Variants in NUP98 observed in about 807,000 individuals in gnomAD.
NUP98 encodes the protein nucleoporin 98 and 96 precursor, also known as nuclear pore complex protein Nup98-Nup96.
In NUP98, 26 loss-of-function variants were observed where a neutral mutation model predicts 191.9. That is an observed-to-expected ratio of 0.14 (90% CI 0.10 to 0.19). The LOEUF (loss-of-function observed/expected upper bound fraction) is 0.19. Among genes scored for constraint, NUP98 ranks in the 10% least tolerant of loss-of-function variants. NUP98 has a pLI of 1.00. For synonymous variants in NUP98, 808 were observed against 778.4 expected (o/e 1.04, Z -0.63); for missense variants, 1,941 against 2,178.8 (o/e 0.89, Z 2.17).
chr11:3,769,150 C>T (rs902488438), intron 7 of NUP98, among the ~76,000 whole-genome samples: 2 of 152,154 alleles, frequency 1.3e-5, no homozygotes, highest in Non-Finnish European at 2.9e-5. Flanking sequence ...ATGGGCCAGG[C>T]ACAGTGGCTC....
chr11:3,782,911 G>A (rs183854394), intron 1 of NUP98, among the ~76,000 whole-genome samples: 5 of 152,162 alleles, frequency 3.3e-5, no homozygotes, highest in East Asian at 3.9e-4. Flanking sequence ...CCCTACCTTC[G>A]AGGGATATAA....
chr11:3,694,350 A>G (rs1422961932), intron 26 of NUP98, among the ~76,000 whole-genome samples: 3 of 151,998 alleles, frequency 2.0e-5, no homozygotes, highest in South Asian at 4.2e-4. Context: ...AGCCTGGACA[A>G]TAAGAGCGAA....
rs1036110099 is a variant in NUP98 at position 3,752,833 on chromosome 11, G to A, written c.1267+483C>T. On this transcript the variant is annotated intron_variant, in intron 11 of 32. Coordinates refer to ENST00000324932, the MANE Select transcript of NUP98 (RefSeq NM_016320.5). Reference sequence around the variant, plus strand: ...GTATCTTCAAAGGCACTGAAAAATAGTTGTTAACAGTAGGAATCAGGGAAA... The same window carrying A: ...GTATCTTCAAAGGCACTGAAAAATAATTGTTAACAGTAGGAATCAGGGAAA... 2.0e-5 allele frequency among the ~76,000 whole-genome samples: 3 copies of A among 152,198 alleles called. No homozygotes were observed. In the South Asian group the frequency reaches 6.2e-4, roughly 31 times the overall value.
chr11:3,692,339 A>C (rs2078341881), intron 27 of NUP98, among the ~76,000 whole-genome samples: 2 of 151,768 alleles, frequency 1.3e-5, no homozygotes, highest in African/African-American at 4.8e-5. Flanking sequence ...AAAAAACAAA[A>C]AAAAACACCT....
chr11:3,792,850 G>A (rs2082401893), intron 1 of NUP98, among the ~76,000 whole-genome samples: 1 of 152,146 alleles, frequency 6.6e-6, no homozygotes, highest in African/African-American at 2.4e-5. Flanking sequence ...CGGGCACGGT[G>A]GCTCACGTCT....
chr11:3,776,047 C>T (rs374337668), intron 4 of NUP98, 26 bp from the exon 5 acceptor site: 8 of 1,574,954 alleles, frequency 5.1e-6, no homozygotes, highest in African/African-American at 4.1e-5. Context: ...AAAAATGAGA[C>T]GATAACAGTA....
chr11:3,782,059 G>A lies in NUP98; in HGVS notation c.59C>T (p.Thr20Ile). 1 of 1,612,552 alleles carries A rather than the reference G, an allele frequency of 6.2e-7. No individual in the cohort carries two copies. The highest frequency in any genetic ancestry group is 8.5e-7 in the Non-Finnish European group (1 of 1,179,194). Reference sequence around the variant, plus strand: ...AAACTTACTCTGTCCAAATGTTGAAGTTGTGCCAAAGCCACCTGTGCCACC... The same window carrying A: ...AAACTTACTCTGTCCAAATGTTGAAATTGTGCCAAAGCCACCTGTGCCACC... ...FGGGTGGFGT[T>I]STFGQNTGFG... is the part of the protein sequence containing the mutation. Residue 20 changes from threonine (T) to isoleucine (I), a missense_variant, in exon 2 of 33, where the codon ACT becomes ATT. By Grantham distance (89) the Thr-to-Ile change is moderately conservative. This residue lies in a region of NUP98 where 154 missense variants were observed against 182.9 expected (regional missense o/e 0.84). Transcript: ENST00000324932.
At position 3,675,260 on chromosome 11, in the gene NUP98, G is replaced by A. The variant is rs757404563; in HGVS notation, c.*899C>T. On this transcript the variant is annotated 3_prime_UTR_variant, in exon 33 of 33. Transcript: ENST00000324932. ...CAAAGGCCCTCTGCCTGCCCCTAAC[G>A]CCCAACTCCATGCCTGCCTCAGTCA... 1.0e-4 allele frequency: 22 copies of A among 219,148 alleles called. No individual in the cohort carries two copies. Among genetic ancestry groups the A allele is most frequent in the East Asian group, 3.3e-4 (5 of 15,028 alleles). The allele number at this position is 219,148 out of a possible 1,614,324, so 13.6% of individuals were successfully genotyped here.
chr11:3,796,698 G>C (rs1451932312), intron 1 of NUP98, among the ~76,000 whole-genome samples: 3 of 152,192 alleles, frequency 2.0e-5, no homozygotes, highest in African/African-American at 7.2e-5. Flanking sequence ...TGTTTAGACT[G>C]TCAAAAATCT....
At chr11:3,746,626 C>G (rs117495811) in intron 11 of NUP98, among the ~76,000 whole-genome samples, 2,264 of 151,770 alleles carry the variant, frequency 0.015, 32 homozygotes, top group Middle Eastern at 0.024. Context: ...AAAAAAGGTA[C>G]TGTGGGCTGG....
intron 29 of NUP98, among the ~76,000 whole-genome samples, chr11:3,684,632 GAAGA>G (rs1203898495): frequency 5.3e-5 from 8 of 151,940 alleles, no homozygotes; most frequent in African/African-American, 1.2e-4. Flanking sequence ...TAAAGGGGAA[GAAGA>G]AAGAGAAACT....
At chr11:3,730,895 GCTAA>G (rs1404311796) in intron 14 of NUP98, among the ~76,000 whole-genome samples, 2 of 152,156 alleles carry the variant, frequency 1.3e-5, no homozygotes, top group African/African-American at 2.4e-5. Context: ...ATATTTTTAT[GCTAA>G]CTATGAGTTA....
rs968931652 is a variant in NUP98 at position 3,719,266 on chromosome 11, A to C, written c.2399+146T>G. 3 of 543,112 alleles carry C rather than the reference A, an allele frequency of 5.5e-6. No individual in the cohort carries two copies. The East Asian group carries it at 9.6e-5, about 17-fold the overall frequency. 33.6% of individuals were successfully genotyped at this position (543,112 alleles called of 1,614,324 possible). On this transcript the variant is annotated intron_variant, in intron 18 of 32. Transcript: ENST00000324932. Reference sequence around the variant, plus strand: ...ACAGTATAGCATTTCTTTGCCATTTATACTTTTAAATCAAAGTAGAGACAA... The same window carrying C: ...ACAGTATAGCATTTCTTTGCCATTTCTACTTTTAAATCAAAGTAGAGACAA...
rs149450839 is a variant in NUP98, at chr11:3,778,522, T to C, written c.355+351A>G. On this transcript the variant is annotated intron_variant, in intron 4 of 32. Transcript: ENST00000324932. ...AGAAGAAGGTGCCTCTGCAGCACAA[T>C]ATGGCTGACTGTAACACACTCCTCC... 1.1e-3 allele frequency among the ~76,000 whole-genome samples: 165 copies of C among 152,312 alleles called. 1 individual carries two copies. Among genetic ancestry groups the C allele is most frequent in the African/African-American group, 3.7e-3 (152 of 41,580 alleles).
chr11:3,719,620 G>C lies in NUP98; in HGVS notation c.2261-70C>G, dbSNP rs768699623. 95 of 1,129,388 alleles carry C rather than the reference G, an allele frequency of 8.4e-5. 1 individual carries two copies. The highest frequency in any genetic ancestry group is 1.1e-4 in the Non-Finnish European group (92 of 830,198). The allele number at this position is 1,129,388 out of a possible 1,614,324, so 70.0% of individuals were successfully genotyped here. On this transcript the variant is annotated intron_variant, in intron 17 of 32. Transcript: ENST00000324932. ...CAAATACCTACTTTACAACTATAGT[G>C]ATTAAACAATCACAAGGAGAAAGCA...
At position 3,699,448 on chromosome 11, in the gene NUP98, T is replaced by C. The variant is rs778273212; in HGVS notation, c.3743-100A>G. 6 of 1,322,240 alleles carry C rather than the reference T, an allele frequency of 4.5e-6. No homozygotes were observed. In the East Asian group the frequency reaches 7.1e-5, roughly 16 times the overall value. The allele number at this position is 1,322,240 out of a possible 1,614,324, so 81.9% of individuals were successfully genotyped here. ...GTGATGTTAAAAATACATAAATTAA[T>C]AGACATCTCAAACAACCACTCAAGC... On this transcript the variant is annotated intron_variant, in intron 24 of 32. Transcript: ENST00000324932.
At chr11:3,681,266 C>A (rs1449511819) in intron 30 of NUP98, among the ~76,000 whole-genome samples, 2 of 152,096 alleles carry the variant, frequency 1.3e-5, no homozygotes, top group African/African-American at 4.8e-5. Flanking sequence ...GTCTCGAACT[C>A]CTGGGGCTCA....
At chr11:3,795,798 G>C (rs1322473413) in intron 1 of NUP98, among the ~76,000 whole-genome samples, 1 of 152,212 alleles carries the variant, frequency 6.6e-6, no homozygotes, top group Non-Finnish European at 1.5e-5. Context: ...TGCCTGAACT[G>C]AGAAAATGTC....
At chr11:3,679,306 G>A (rs1025050369) in intron 31 of NUP98, 13 of 581,380 alleles carry the variant, frequency 2.2e-5, no homozygotes, top group Non-Finnish European at 3.8e-5. Flanking sequence ...GGAAGAGACT[G>A]TCTATGGACA....
Sources: allele counts gnomAD v4.1 joint callset (sites outside exome capture counted in the v4.1 genomes callset), GRCh38; gene constraint gnomAD v4.1.1; regional missense constraint gnomAD v4.1.1; transcripts MANE v1.5; gene names NCBI Gene and HGNC (gene_info 2026-07-23, HGNC 2026-07-21).